EFEMP1: variants seen among roughly 807,000 people sequenced by gnomAD.
EFEMP1 encodes EGF-like fibulin extracellular matrix protein 1.
EFEMP1 carries 18 observed loss-of-function variants against 65.7 expected under a neutral mutation model. That is an observed-to-expected ratio of 0.27 (90% CI 0.19 to 0.41). EFEMP1 has a LOEUF of 0.41. EFEMP1 is among the 10% of genes least tolerant of loss of function. The pLI, the probability that EFEMP1 is intolerant of heterozygous loss-of-function variation, is 1.00. For synonymous variants in EFEMP1, 237 were observed against 219.7 expected (o/e 1.08, Z -0.70); for missense variants, 469 against 624.8 (o/e 0.75, Z 2.66).
rs989964675 is a variant in EFEMP1, at chr2:55,883,068, C to T, written c.518-1334G>A. 2.6e-5 allele frequency among the ~76,000 whole-genome samples: 4 copies of T among 152,020 alleles called. No individual in the cohort carries two copies. The highest frequency in any genetic ancestry group is 5.9e-5 in the Non-Finnish European group (4 of 67,984). ...TTGTAAAAGGGTTGTCCTCAGAAAT[C>T]AGCTTCACTTAGCTGGGTGTGGAAA... On this transcript the variant is annotated intron_variant, in intron 5 of 11. Coordinates refer to ENST00000355426, the MANE Select transcript of EFEMP1 (RefSeq NM_001039348.3). This position sits in a 1 kb window ranked among gnomAD's most constrained non-coding sequence, Gnocchi z 4.5.
chr2:55,899,415 T>C (rs1240868390), intron 5 of EFEMP1, among the ~76,000 whole-genome samples: 1 of 152,178 alleles, frequency 6.6e-6, no homozygotes, highest in Non-Finnish European at 1.5e-5. Flanking sequence ...GATGAATAAA[T>C]CATTAAAGAT....
At chr2:55,900,949 T>G (rs1670009019) in intron 5 of EFEMP1, among the ~76,000 whole-genome samples, 1 of 152,238 alleles carries the variant, frequency 6.6e-6, no homozygotes, top group Admixed American at 6.5e-5. Context: ...CATGTTAGAT[T>G]TTGTTGCTTC....
chr2:55,916,035 T>C (rs1670664744), intron 5 of EFEMP1, among the ~76,000 whole-genome samples: 1 of 151,976 alleles, frequency 6.6e-6, no homozygotes, highest in Admixed American at 6.6e-5. Context: ...GGTTAGGTCT[T>C]GATGTGGGGT....
intron 6 of EFEMP1, among the ~76,000 whole-genome samples, chr2:55,880,652 C>T (rs891576551): frequency 7.2e-5 from 11 of 152,210 alleles, no homozygotes; most frequent in African/African-American, 2.4e-4. Context: ...CACATCCTCA[C>T]CCTCTGTTCC....
chr2:55,905,297 T>G (rs1670211073), intron 5 of EFEMP1, among the ~76,000 whole-genome samples: 1 of 152,174 alleles, frequency 6.6e-6, no homozygotes, highest in South Asian at 2.1e-4. Context: ...TCTTCCTGAT[T>G]TTCTCTTGTC....
Position 55,922,890 on chromosome 2 carries a change from T to G in EFEMP1, c.-8+9A>C. 2 of 1,119,288 alleles carry G rather than the reference T, an allele frequency of 1.8e-6. No homozygotes were observed. Among genetic ancestry groups the G allele is most frequent in the African/African-American group, 3.2e-5 (2 of 61,766 alleles). 69.3% of individuals were successfully genotyped at this position (1,119,288 alleles called of 1,614,324 possible). A position where few individuals can be genotyped will look rare whatever the true frequency, so the allele number is the denominator to read the frequency against. Reference sequence around the variant, plus strand: ...CTCTAGAACGTTAAGGCTTTCCCAGTATACTCACCTTGAGCTAGCAGAGTT... The same window carrying G: ...CTCTAGAACGTTAAGGCTTTCCCAGGATACTCACCTTGAGCTAGCAGAGTT... On this transcript the variant is annotated intron_variant, in intron 2 of 11. Transcript: ENST00000355426. The surrounding 1 kb of genome is among the most constrained non-coding windows in gnomAD (Gnocchi z 5.5).
At chr2:55,916,580 C>T (rs1200574010) in intron 5 of EFEMP1, among the ~76,000 whole-genome samples, 1 of 152,202 alleles carries the variant, frequency 6.6e-6, no homozygotes, top group African/African-American at 2.4e-5. Context: ...GAGGAAGGTG[C>T]TCTCTTCCTT....
At chr2:55,913,915 C>A (rs1423149431) in intron 5 of EFEMP1, among the ~76,000 whole-genome samples, 1 of 151,984 alleles carries the variant, frequency 6.6e-6, no homozygotes, top group African/African-American at 2.4e-5. Context: ...GAGGCTGAGG[C>A]ACAAGAATTG....
chr2:55,868,806 A>G (rs1426153001), intron 11 of EFEMP1, among the ~76,000 whole-genome samples: 1 of 152,188 alleles, frequency 6.6e-6, no homozygotes, highest in Non-Finnish European at 1.5e-5. Flanking sequence ...CACCTAGCAT[A>G]GAGCTGAGCA....
At chr2:55,916,160 A>C (rs1002724767) in intron 5 of EFEMP1, among the ~76,000 whole-genome samples, 2 of 138,868 alleles carry the variant, frequency 1.4e-5, no homozygotes, top group African/African-American at 2.8e-5. Context: ...CCCAGGCTGG[A>C]GTGCAGTAGC....
intron 5 of EFEMP1, among the ~76,000 whole-genome samples, chr2:55,902,220 C>A (rs541979814): frequency 6.6e-6 from 1 of 152,312 alleles, no homozygotes; most frequent in South Asian, 2.1e-4. Context: ...CCTTATGGTT[C>A]ATATGTGATG....
Position 55,881,672 on chromosome 2 carries a change from G to A in EFEMP1, c.580C>T (p.Arg194Trp), listed in dbSNP as rs398123542. ...GGGCACTGACATGCAAAGGATCCCC[G>A]TAAATTGATGCACACTTGGTCTGCT... ...CRADQVCINL[R>W]GSFACQCPPG... The change falls in exon 6 of 12, where the codon CGG becomes TGG. Residue 194 changes from arginine (R) to tryptophan (W), a missense_variant. Arg to Trp is a moderately radical substitution (Grantham distance 101). This residue lies in a region of EFEMP1 where 399 missense variants were observed against 528.2 expected (regional missense o/e 0.76). Transcript: ENST00000355426. The A allele has an allele frequency of 1.5e-5, 25 of 1,613,756 alleles. No individual in the cohort carries two copies. Among genetic ancestry groups the A allele is most frequent in the South Asian group, 2.2e-5 (2 of 91,082 alleles).
Position 55,921,750 on chromosome 2 carries a change from A to T in EFEMP1, c.81+610T>A, listed in dbSNP as rs1453268730. Among the ~76,000 whole-genome samples the T allele has an allele frequency of 6.6e-6, 1 of 152,236 alleles. No individual in the cohort carries two copies. Among genetic ancestry groups the T allele is most frequent in the Non-Finnish European group, 1.5e-5 (1 of 68,038 alleles). Reference sequence around the variant, plus strand: ...GAAATATCAGAGACGCTAATTAGAAAATGCAAAACGGAGTTGCACACATTA... The same window carrying T: ...GAAATATCAGAGACGCTAATTAGAATATGCAAAACGGAGTTGCACACATTA... On this transcript the variant is annotated intron_variant, in intron 3 of 11. Transcript: ENST00000355426. The surrounding 1 kb of genome is among the most constrained non-coding windows in gnomAD (Gnocchi z 4.1).
chr2:55,910,835 CTGATAT>C (rs1217815061), intron 5 of EFEMP1, among the ~76,000 whole-genome samples: 4 of 152,178 alleles, frequency 2.6e-5, no homozygotes, highest in African/African-American at 9.7e-5. Context: ...AGCTGTGCAT[CTGATAT>C]TGAAAGGATC....
chr2:55,917,545 G>T lies in EFEMP1; in HGVS notation c.517+120C>A. On this transcript the variant is annotated intron_variant, in intron 5 of 11. Coordinates refer to ENST00000355426, the MANE Select transcript of EFEMP1 (RefSeq NM_001039348.3). This position sits in a 1 kb window ranked among gnomAD's most constrained non-coding sequence, Gnocchi z 6.3. ...TATTGTGATGATTAAATATAATGCAGACAAAGCACTTAGCATGATGTCTGG... is the reference window on the plus strand; with the variant it reads ...TATTGTGATGATTAAATATAATGCATACAAAGCACTTAGCATGATGTCTGG... The T allele has an allele frequency of 7.8e-7, 1 of 1,277,640 alleles. No homozygotes were observed. The highest frequency in any genetic ancestry group is 1.1e-6 in the Non-Finnish European group (1 of 875,388). 79.1% of individuals were successfully genotyped at this position (1,277,640 alleles called of 1,614,324 possible).
rs1469210218 is a variant in EFEMP1, at chr2:55,873,325, T to A, written c.1000+1621A>T. ...TTGGCTTAACCAAACATTCTGAAGC[T>A]GCATATCTTCAATATATAACATTTA... On this transcript the variant is annotated intron_variant, in intron 9 of 11. Coordinates refer to ENST00000355426, the MANE Select transcript of EFEMP1 (RefSeq NM_001039348.3). This position sits in a 1 kb window ranked among gnomAD's most constrained non-coding sequence, Gnocchi z 4.6. Among the ~76,000 whole-genome samples the A allele has an allele frequency of 6.6e-6, 1 of 152,110 alleles. No individual in the cohort carries two copies. The highest frequency in any genetic ancestry group is 1.5e-5 in the Non-Finnish European group (1 of 67,976).
chr2:55,900,158 G>C (rs1669978422), intron 5 of EFEMP1, among the ~76,000 whole-genome samples: 1 of 152,210 alleles, frequency 6.6e-6, no homozygotes, highest in African/African-American at 2.4e-5. Context: ...TCATTTTAGA[G>C]TTGGTGATGA....
Position 55,870,659 on chromosome 2 carries a change from A to G in EFEMP1, c.1320+61T>C. 6.3e-7 allele frequency: 1 copy of G among 1,599,516 alleles called. No homozygotes were observed. The highest frequency in any genetic ancestry group is 8.6e-7 in the Non-Finnish European group (1 of 1,169,242). ...TGGATACCACACAACAACAACAACA[A>G]CAACAACAACAACAAACTCCCATCT... On this transcript the variant is annotated intron_variant, in intron 11 of 11. Coordinates refer to ENST00000355426, the MANE Select transcript of EFEMP1 (RefSeq NM_001039348.3). The surrounding 1 kb of genome is among the most constrained non-coding windows in gnomAD (Gnocchi z 5.8).
rs1669413453 is a variant in EFEMP1, at chr2:55,886,179, C to T, written c.518-4445G>A. Among the ~76,000 whole-genome samples the T allele has an allele frequency of 6.6e-6, 1 of 152,134 alleles. No individual in the cohort carries two copies. Among genetic ancestry groups the T allele is most frequent in the Admixed American group, 6.6e-5 (1 of 15,264 alleles). On this transcript the variant is annotated intron_variant, in intron 5 of 11. Coordinates refer to ENST00000355426, the MANE Select transcript of EFEMP1 (RefSeq NM_001039348.3). The surrounding 1 kb of genome is among the most constrained non-coding windows in gnomAD (Gnocchi z 4.0). ...TGAAATTATTTTGAATCTGTCACTC[C>T]CTGTGTGATCTAGGGTCATGGTATC...
Sources: allele counts gnomAD v4.1 joint callset (sites outside exome capture counted in the v4.1 genomes callset), GRCh38; gene constraint gnomAD v4.1.1; regional missense constraint gnomAD v4.1.1; non-coding constraint Gnocchi (gnomAD v3.1); transcripts MANE v1.5; gene names NCBI Gene and HGNC (gene_info 2026-07-23, HGNC 2026-07-21).